Variants in CPXM2 observed in about 807,000 individuals in gnomAD.
CPXM2 encodes inactive carboxypeptidase-like protein X2.
Under a neutral mutation model 86.1 loss-of-function variants are expected in CPXM2, and 66 were observed. The observed-to-expected ratio is 0.77, with a 90% CI of 0.63 to 0.94. The LOEUF is 0.94. Among genes scored for constraint, CPXM2 ranks in the 40% least tolerant of loss-of-function variants. The probability of loss-of-function intolerance (pLI) is 0.00; values close to 1 mark genes in which losing one functional copy is unlikely to be tolerated. For synonymous variants in CPXM2, 388 were observed against 400.2 expected (o/e 0.97, Z 0.36); for missense variants, 948 against 1,026.3 (o/e 0.92, Z 1.04).
intron 3 of CPXM2, among the ~76,000 whole-genome samples, chr10:123,862,266 T>A (rs1036982981): frequency 6.6e-6 from 1 of 152,150 alleles, no homozygotes; most frequent in Admixed American, 6.5e-5. Flanking sequence ...TGCCACTGCC[T>A]CGTGTGCCAC....
chr10:123,862,847 G>C (rs1264907542), intron 2 of CPXM2, 124 bp from the exon 3 acceptor site: 3 of 760,272 alleles, frequency 3.9e-6, no homozygotes, highest in South Asian at 1.6e-5. Flanking sequence ...GGCATGCCTG[G>C]TCTTTCCAGA....
intron 1 of CPXM2, among the ~76,000 whole-genome samples, chr10:123,882,489 T>G (rs929470138): frequency 6.6e-6 from 1 of 152,182 alleles, no homozygotes; most frequent in Non-Finnish European, 1.5e-5. Context: ...GAGCATAACT[T>G]TTGATAAGGC....
intron 1 of CPXM2, among the ~76,000 whole-genome samples, chr10:123,888,766 G>A (rs1053327139): frequency 6.6e-6 from 1 of 152,190 alleles, no homozygotes; most frequent in African/African-American, 2.4e-5. Context: ...GTCTTGTCAT[G>A]GTTGGGGAGA....
At chr10:123,791,284 C>T (rs1054257267) in intron 6 of CPXM2, among the ~76,000 whole-genome samples, 2 of 152,152 alleles carry the variant, frequency 1.3e-5, no homozygotes, top group African/African-American at 4.8e-5. Flanking sequence ...GGTGTGGTGG[C>T]ACATGCCTGT....
At chr10:123,917,680 A>G (rs1426722387) in intron 2 of CPXM2, among the ~76,000 whole-genome samples, 3 of 152,228 alleles carry the variant, frequency 2.0e-5, no homozygotes, top group Non-Finnish European at 2.9e-5. Flanking sequence ...TTCATAGTGC[A>G]TAAGCACTAA....
intron 4 of CPXM2, 56 bp downstream of exon 4, chr10:123,842,293 C>T: frequency 6.2e-7 from 1 of 1,607,392 alleles, no homozygotes; most frequent in Non-Finnish European, 8.5e-7. Context: ...CTGTCCAGAC[C>T]CTCAAAAGCT....
chr10:123,799,151 G>T lies in CPXM2; in HGVS notation c.702C>A (p.His234Gln). Residue 234 changes from histidine (H) to glutamine (Q), a missense_variant, in exon 5 of 14, where the codon CAC becomes CAA. Physicochemically the swap from His to Gln is conservative, Grantham distance 24 (BLOSUM62 0). Coordinates refer to ENST00000241305, the MANE Select transcript of CPXM2 (RefSeq NM_198148.3). ...SYKVMVSNDS[H>Q]TWVTVKNGSG... ...ATCCATTCTTAACAGTGACCCACGT[G>T]TGGCTGTCATTGCTCACCATGACCT... 4 of 1,614,198 alleles carry T rather than the reference G, an allele frequency of 2.5e-6. No individual in the cohort carries two copies. The highest frequency in any genetic ancestry group is 3.4e-6 in the Non-Finnish European group (4 of 1,180,036).
intron 11 of CPXM2, among the ~76,000 whole-genome samples, chr10:123,758,993 A>G (rs543108564): frequency 3.3e-5 from 5 of 152,308 alleles, no homozygotes; most frequent in Admixed American, 3.3e-4. Context: ...GGCATTAAGT[A>G]TACAGCCACT....
intron 9 of CPXM2, among the ~76,000 whole-genome samples, chr10:123,767,883 C>T (rs558753171): frequency 6.6e-6 from 1 of 152,292 alleles, no homozygotes; most frequent in East Asian, 1.9e-4. Context: ...ATAATCAAGG[C>T]TAACACATGC....
At chr10:123,796,186 A>G (rs1847331677) in intron 6 of CPXM2, among the ~76,000 whole-genome samples, 1 of 152,218 alleles carries the variant, frequency 6.6e-6, no homozygotes, top group Non-Finnish European at 1.5e-5. Context: ...GGCCTTCCAC[A>G]TTCTCTCTGC....
chr10:123,760,295 TG>T (rs1846303608), intron 11 of CPXM2, among the ~76,000 whole-genome samples: 1 of 152,176 alleles, frequency 6.6e-6, no homozygotes, highest in South Asian at 2.1e-4. Flanking sequence ...TTTTGGTAGG[TG>T]GGTTTTTAGG....
intron 2 of CPXM2, among the ~76,000 whole-genome samples, chr10:123,911,487 G>A (rs1945487595): frequency 6.6e-6 from 1 of 151,554 alleles, no homozygotes; most frequent in Admixed American, 6.5e-5. Context: ...CGATTAGGTT[G>A]GTGCAAAAGT....
rs555061756 is a variant in CPXM2, at chr10:123,887,445, T to C, written c.304+3911A>G. On this transcript the variant is annotated intron_variant, in intron 1 of 13. Transcript: ENST00000241305. ...AAACTACAGAGAACATGCCTACAAA[T>C]GCATGTAAGAACTGGTCAAATCTGA... Among the ~76,000 whole-genome samples, 6 of 152,288 alleles carry C rather than the reference T, an allele frequency of 3.9e-5. No homozygotes were observed. The East Asian group carries it at 1.2e-3, about 29-fold the overall frequency.
chr10:123,872,393 TAAC>T (rs1450637317), intron 2 of CPXM2, among the ~76,000 whole-genome samples: 1 of 152,112 alleles, frequency 6.6e-6, no homozygotes, highest in Non-Finnish European at 1.5e-5. Context: ...ACAAATCTCA[TAAC>T]ATCATATTGA....
At chr10:123,887,810 G>T (rs1245993242) in intron 1 of CPXM2, among the ~76,000 whole-genome samples, 1 of 152,124 alleles carries the variant, frequency 6.6e-6, no homozygotes, top group Non-Finnish European at 1.5e-5. Context: ...GTTATCACTG[G>T]GGGGAGCTGA....
chr10:123,894,888 G>A (rs778428224), upstream of CPXM2, among the ~76,000 whole-genome samples: 1 of 152,184 alleles, frequency 6.6e-6, no homozygotes, highest in Non-Finnish European at 1.5e-5. Context: ...CGCTGTTTGG[G>A]CCTCTCTGAT....
At chr10:123,874,559 CA>C (rs1284160811) in intron 2 of CPXM2, among the ~76,000 whole-genome samples, 3 of 152,222 alleles carry the variant, frequency 2.0e-5, no homozygotes, top group Non-Finnish European at 4.4e-5. Flanking sequence ...ACTTCTACCA[CA>C]AGTGGTTTAA....
At position 123,768,506 on chromosome 10, in the gene CPXM2, A is replaced by G. The variant is rs1846546115; in HGVS notation, c.1299+20T>C. 1.3e-6 allele frequency: 2 copies of G among 1,596,050 alleles called. No homozygotes were observed. Among genetic ancestry groups the G allele is most frequent in the African/African-American group, 2.7e-5 (2 of 74,662 alleles). On this transcript the variant is annotated intron_variant, in intron 9 of 13. Coordinates refer to ENST00000241305, the MANE Select transcript of CPXM2 (RefSeq NM_198148.3). Reference sequence around the variant, plus strand: ...CTCGCTGCCCATGTCCTATTGGGTGAGATGGGCCAGGGCCATTACCCCTTC... The same window carrying G: ...CTCGCTGCCCATGTCCTATTGGGTGGGATGGGCCAGGGCCATTACCCCTTC...
intron 6 of CPXM2, among the ~76,000 whole-genome samples, chr10:123,788,944 G>A (rs1847137914): frequency 6.6e-6 from 1 of 151,078 alleles, no homozygotes. Context: ...GGACACCAGA[G>A]GTGCTTGGTC....
Sources: gnomAD v4.1 joint callset for allele counts (sites outside exome capture counted in the v4.1 genomes callset) on GRCh38, gnomAD v4.1.1 for gene constraint, MANE v1.5 for transcripts, NCBI Gene and HGNC (gene_info 2026-07-23, HGNC 2026-07-21) for gene names.